Variants in MED13L observed in about 807,000 individuals in gnomAD.
The protein encoded by MED13L is mediator complex subunit 13L.
Under a neutral mutation model 220.9 loss-of-function variants are expected in MED13L, and 7 were observed. That is an observed-to-expected ratio of 0.03 (90% CI 0.02 to 0.06). MED13L has a LOEUF of 0.06. Among genes scored for constraint, MED13L ranks in the 10% least tolerant of loss-of-function variants. The probability of loss-of-function intolerance (pLI) is 1.00; values close to 1 mark genes in which losing one functional copy is unlikely to be tolerated. For missense variants in MED13L, 1,965 were observed against 2,760.5 expected (o/e 0.71, Z 6.46); for synonymous variants, 1,011 against 1,015.2 (o/e 1.00, Z 0.08).
intron 2 of MED13L, among the ~76,000 whole-genome samples, chr12:116,180,385 A>G (rs1166660182): frequency 3.9e-5 from 6 of 152,236 alleles, no homozygotes; most frequent in African/African-American, 1.2e-4. Context: ...TGTTTCATGC[A>G]TACAATTATT....
At chr12:115,961,466 T>C in intron 30 of MED13L, 68 bp from the exon 31 acceptor site, 2 of 1,588,760 alleles carry the variant, frequency 1.3e-6, no homozygotes, top group South Asian at 1.1e-5. Context: ...CAGATTCTAA[T>C]ACATTCCAGA....
At chr12:115,987,315 G>C (rs1877758642) in intron 17 of MED13L, 27 bp from the exon 18 acceptor site, 1 of 1,603,466 alleles carries the variant, frequency 6.2e-7, no homozygotes, top group Non-Finnish European at 8.5e-7. Context: ...AAGAAACAGA[G>C]AAGATAAGGG....
At chr12:116,227,364 G>A (rs957463006) in intron 2 of MED13L, among the ~76,000 whole-genome samples, 1 of 152,108 alleles carries the variant, frequency 6.6e-6, no homozygotes, top group African/African-American at 2.4e-5. Context: ...TCATTTTATT[G>A]CATTTCACAT....
chr12:116,013,287 G>A (rs562579890), intron 8 of MED13L, among the ~76,000 whole-genome samples: 2 of 152,158 alleles, frequency 1.3e-5, no homozygotes, highest in Admixed American at 6.5e-5. Flanking sequence ...ACTGCTTATC[G>A]GTAGCATATG....
chr12:116,006,235 C>T (rs531592707), intron 12 of MED13L, 71 bp downstream of exon 12: 1 of 1,396,822 alleles, frequency 7.2e-7, no homozygotes, highest in African/African-American at 1.4e-5. Flanking sequence ...TAAAATTTTA[C>T]ATTGAGAAGC....
intron 3 of MED13L, among the ~76,000 whole-genome samples, chr12:116,100,683 G>T (rs1872999461): frequency 1.3e-5 from 2 of 151,804 alleles, no homozygotes; most frequent in African/African-American, 4.8e-5. Flanking sequence ...AGCCAAAGTG[G>T]AAGAACAGCT....
At chr12:116,154,027 T>TA (rs1316128881) in intron 2 of MED13L, among the ~76,000 whole-genome samples, 1 of 152,222 alleles carries the variant, frequency 6.6e-6, no homozygotes, top group Non-Finnish European at 1.5e-5. Flanking sequence ...ACTGCTCTTG[T>TA]AGCAATAGCA....
rs1359988120 is a variant in MED13L, at chr12:116,253,935, AT to A, written c.73-16231del. Among the ~76,000 whole-genome samples, 8 of 151,546 alleles carry A rather than the reference AT, an allele frequency of 5.3e-5. No homozygotes were observed. The East Asian group carries it at 1.5e-3, about 29-fold the overall frequency. ...CCACCATGCCAAGCTAATTTTTTGT[AT>A]TTTTAGTAGAGACGGGGTTTCGCCA... On this transcript the variant is annotated intron_variant, in intron 1 of 30. Coordinates refer to ENST00000281928, the MANE Select transcript of MED13L (RefSeq NM_015335.5).
At chr12:116,114,141 A>G (rs1466063610) in intron 2 of MED13L, among the ~76,000 whole-genome samples, 1 of 152,090 alleles carries the variant, frequency 6.6e-6, no homozygotes, top group Non-Finnish European at 1.5e-5. Flanking sequence ...TGGTGAAGAA[A>G]CCAGGTTACC....
At chr12:116,032,662 C>T (rs1880924506) in intron 4 of MED13L, among the ~76,000 whole-genome samples, 1 of 152,190 alleles carries the variant, frequency 6.6e-6, no homozygotes, top group African/African-American at 2.4e-5. Flanking sequence ...AATGCCAGCA[C>T]CTCATCAAGA....
At chr12:116,146,420 G>A (rs1261759975) in intron 2 of MED13L, among the ~76,000 whole-genome samples, 1 of 151,158 alleles carries the variant, frequency 6.6e-6, no homozygotes, top group East Asian at 1.9e-4. Flanking sequence ...GCACCCAGCT[G>A]AGTTTGTTTT....
intron 2 of MED13L, among the ~76,000 whole-genome samples, chr12:116,128,768 TATTAA>T (rs1165936419): frequency 6.6e-6 from 1 of 152,178 alleles, no homozygotes; most frequent in African/African-American, 2.4e-5. Flanking sequence ...TATGGAGTGA[TATTAA>T]ATTAAATTCA....
intron 2 of MED13L, among the ~76,000 whole-genome samples, chr12:116,195,368 T>A (rs1330818235): frequency 6.6e-6 from 1 of 152,040 alleles, no homozygotes; most frequent in Admixed American, 6.6e-5. Context: ...TACCATGACA[T>A]AAAGAAAACG....
At chr12:115,996,193 C>A (rs1269430667) in intron 16 of MED13L, among the ~76,000 whole-genome samples, 1 of 151,898 alleles carries the variant, frequency 6.6e-6, no homozygotes, top group Non-Finnish European at 1.5e-5. Flanking sequence ...CGGGTTCAAG[C>A]GATTCTCCTG....
chr12:116,076,429 T>C (rs1356927971), intron 4 of MED13L, among the ~76,000 whole-genome samples: 1 of 152,000 alleles, frequency 6.6e-6, no homozygotes, highest in Non-Finnish European at 1.5e-5. Context: ...CTCTGTTACT[T>C]AGGAGGCTGA....
intron 4 of MED13L, among the ~76,000 whole-genome samples, chr12:116,078,469 A>T (rs1258105311): frequency 2.0e-5 from 3 of 152,200 alleles, no homozygotes; most frequent in African/African-American, 7.2e-5. Context: ...TAAATCCAAG[A>T]TCCTAGACTT....
chr12:116,215,284 AC>A (rs377541685), intron 2 of MED13L, among the ~76,000 whole-genome samples: 56 of 152,284 alleles, frequency 3.7e-4, no homozygotes, highest in African/African-American at 1.3e-3. Flanking sequence ...AGGTGACAAA[AC>A]CATATTACAT....
At chr12:116,110,189 G>A (rs1873956840) in intron 3 of MED13L, 1 of 152,132 alleles carries the variant, frequency 6.6e-6, no homozygotes, top group Non-Finnish European at 1.5e-5. Flanking sequence ...GTAAGGGGAT[G>A]CTCCAACGAT....
chr12:116,163,888 A>G (rs901524405), intron 2 of MED13L, among the ~76,000 whole-genome samples: 1 of 152,220 alleles, frequency 6.6e-6, no homozygotes, highest in African/African-American at 2.4e-5. Flanking sequence ...CAATAATGGT[A>G]TACTTCAATG....
Sources: gnomAD v4.1 joint callset for allele counts (sites outside exome capture counted in the v4.1 genomes callset) on GRCh38, gnomAD v4.1.1 for gene constraint, MANE v1.5 for transcripts, NCBI Gene and HGNC (gene_info 2026-07-23, HGNC 2026-07-21) for gene names.